The following BAZ2B variants were observed in gnomAD, a reference collection of about 807,000 sequenced individuals.
BAZ2B encodes bromodomain adjacent to zinc finger domain 2B, also known as bromodomain adjacent to zinc finger domain protein 2B.
Under a neutral mutation model 246.0 loss-of-function variants are expected in BAZ2B, and 91 were observed. The ratio of observed to expected loss-of-function variants is 0.37; its 90% CI spans 0.31 to 0.44. BAZ2B has a LOEUF of 0.44. Ranked by LOEUF, BAZ2B falls within the 20% of genes least tolerant of loss-of-function variation. BAZ2B has a pLI of 1.00. For synonymous variants in BAZ2B, 855 were observed against 860.0 expected (o/e 0.99, Z 0.10); for missense variants, 2,332 against 2,533.7 (o/e 0.92, Z 1.71).
At chr2:159,548,492 G>C (rs924936739) in intron 2 of BAZ2B, among the ~76,000 whole-genome samples, 12 of 151,144 alleles carry the variant, frequency 7.9e-5, no homozygotes, top group South Asian at 6.2e-4. Context: ...CTCAGTTTGG[G>C]CATCTGTAGA....
At chr2:159,397,000 G>A (rs1368746083) in intron 19 of BAZ2B, 1 of 1,175,358 alleles carries the variant, frequency 8.5e-7, no homozygotes, top group Non-Finnish European at 1.1e-6. Flanking sequence ...TACACTTTAT[G>A]CATTGCTATG....
At chr2:159,486,511 A>G (rs1207016172) in intron 2 of BAZ2B, among the ~76,000 whole-genome samples, 4 of 151,926 alleles carry the variant, frequency 2.6e-5, no homozygotes, top group African/African-American at 9.7e-5. Flanking sequence ...ATATAACAGG[A>G]ACAATATACC....
chr2:159,453,028 A>G (rs2075291601), intron 4 of BAZ2B, among the ~76,000 whole-genome samples: 1 of 152,202 alleles, frequency 6.6e-6, no homozygotes, highest in South Asian at 2.1e-4. Context: ...TGAACCTAGA[A>G]GGCGGAGGTT....
At chr2:159,351,624 C>T (rs747134587) in intron 27 of BAZ2B, among the ~76,000 whole-genome samples, 1 of 152,170 alleles carries the variant, frequency 6.6e-6, no homozygotes, top group Non-Finnish European at 1.5e-5. Context: ...AAACTGGATG[C>T]TGTCAGTATT....
At chr2:159,649,076 T>C in the BAZ2B span, among the ~76,000 whole-genome samples, 1 of 152,244 alleles carries the variant, frequency 6.6e-6, no homozygotes, top group African/African-American at 2.4e-5. Flanking sequence ...TTACTAATGA[T>C]GTTGAGCATT....
chr2:159,681,998 T>TGCAGTATCTCA, the BAZ2B span, among the ~76,000 whole-genome samples: 1 of 151,862 alleles, frequency 6.6e-6, no homozygotes, highest in Non-Finnish European at 1.5e-5. Flanking sequence ...CAGAGAATAG[T>TGCAGTATCTCA]GCAGTATCTC....
intron 33 of BAZ2B, among the ~76,000 whole-genome samples, chr2:159,334,939 G>A (rs2065375859): frequency 6.6e-6 from 1 of 151,718 alleles, no homozygotes; most frequent in African/African-American, 2.4e-5. Flanking sequence ...GTCTCATTAT[G>A]TTGCCCAGGC....
rs892285469 is a variant in BAZ2B, at chr2:159,540,973, C to T, written c.-3+14850G>A. On this transcript the variant is annotated intron_variant, in intron 2 of 36. Coordinates refer to ENST00000392783, the MANE Select transcript of BAZ2B (RefSeq NM_013450.4). ...TTGCAAAGGGTAAAATCACATCTCTCAACATAGTAGGCATTCATCTGCTGA... is the reference window on the plus strand; with the variant it reads ...TTGCAAAGGGTAAAATCACATCTCTTAACATAGTAGGCATTCATCTGCTGA... Among the ~76,000 whole-genome samples, 3 of 152,108 alleles carry T rather than the reference C, an allele frequency of 2.0e-5. No homozygotes were observed. The East Asian group carries it at 5.8e-4, about 29-fold the overall frequency.
the BAZ2B span, among the ~76,000 whole-genome samples, chr2:159,661,753 A>G: frequency 6.6e-6 from 1 of 150,826 alleles, no homozygotes; most frequent in Non-Finnish European, 1.5e-5. Context: ...CATTTAGTAC[A>G]TTCACAATGT....
At chr2:159,501,814 A>G (rs559264276) in intron 2 of BAZ2B, among the ~76,000 whole-genome samples, 2 of 152,292 alleles carry the variant, frequency 1.3e-5, no homozygotes, top group Admixed American at 1.3e-4. Flanking sequence ...GTAGAATTCT[A>G]CTCCTATTCT....
chr2:159,706,065 T>G, the BAZ2B span, among the ~76,000 whole-genome samples: 2 of 107,812 alleles, frequency 1.9e-5, no homozygotes, highest in East Asian at 5.1e-4. Context: ...TCAATACCAG[T>G]ATTTCTGTAA....
At chr2:159,612,720 CA>C (rs1347995797) in intron 1 of BAZ2B, among the ~76,000 whole-genome samples, 1 of 152,084 alleles carries the variant, frequency 6.6e-6, no homozygotes, top group Admixed American at 6.6e-5. Context: ...TGTTTCAATT[CA>C]ATGACACCAC....
At chr2:159,690,201 T>C in the BAZ2B span, 86 of 466,152 alleles carry the variant, frequency 1.8e-4, no homozygotes, top group Admixed American at 9.8e-4. Flanking sequence ...ACATTTCTTA[T>C]ATTGAACATA....
intron 33 of BAZ2B, among the ~76,000 whole-genome samples, chr2:159,335,666 G>A (rs934817875): frequency 6.6e-6 from 1 of 151,914 alleles, no homozygotes; most frequent in African/African-American, 2.4e-5. Context: ...AACCATAGAA[G>A]AAACGTAATT....
chr2:159,580,742 G>C (rs1461864601), intron 1 of BAZ2B, among the ~76,000 whole-genome samples: 2 of 152,154 alleles, frequency 1.3e-5, no homozygotes, highest in African/African-American at 4.8e-5. Flanking sequence ...GAACAGAACA[G>C]AGGCCTCAGA....
At chr2:159,668,787 G>C in the BAZ2B span, among the ~76,000 whole-genome samples, 2 of 151,860 alleles carry the variant, frequency 1.3e-5, no homozygotes, top group Non-Finnish European at 2.9e-5. Flanking sequence ...AAACTGAAAT[G>C]GGTTGACGCC....
intron 16 of BAZ2B, among the ~76,000 whole-genome samples, chr2:159,401,709 G>A (rs2065098275): frequency 6.6e-6 from 1 of 152,032 alleles, no homozygotes; most frequent in African/African-American, 2.4e-5. Context: ...ATAACTTAGT[G>A]ATCATATAAA....
At chr2:159,686,842 AC>A in the BAZ2B span, among the ~76,000 whole-genome samples, 1 of 152,062 alleles carries the variant, frequency 6.6e-6, no homozygotes, top group African/African-American at 2.4e-5. Context: ...GGAGATCGAG[AC>A]CACCCTGGCT....
chr2:159,631,701 G>A, the BAZ2B span, among the ~76,000 whole-genome samples: 2 of 152,122 alleles, frequency 1.3e-5, no homozygotes, highest in Non-Finnish European at 2.9e-5. Context: ...TTTAATAAAT[G>A]AGTTCATAAT....
Sources: gnomAD v4.1 joint callset for allele counts (sites outside exome capture counted in the v4.1 genomes callset) on GRCh38, gnomAD v4.1.1 for gene constraint, MANE v1.5 for transcripts, NCBI Gene and HGNC (gene_info 2026-07-23, HGNC 2026-07-21) for gene names.